The following DZIP1L variants were observed in gnomAD, a reference collection of about 807,000 sequenced individuals.
DZIP1L encodes cilium assembly protein DZIP1L.
DZIP1L carries 90 observed loss-of-function variants against 88.7 expected under a neutral mutation model. The ratio of observed to expected loss-of-function variants is 1.02; its 90% confidence interval spans 0.86 to 1.21. The LOEUF is 1.21. Ranked by LOEUF, DZIP1L falls within the 50% of genes most tolerant of loss-of-function variation. The pLI is 0.00. For missense variants in DZIP1L, 932 were observed against 955.8 expected (o/e 0.98, Z 0.33); for synonymous variants, 363 against 372.1 (o/e 0.98, Z 0.28).
At chr3:138,101,401 C>A in intron 2 of DZIP1L, 2 of 700,484 alleles carry the variant, frequency 2.9e-6, no homozygotes, top group Admixed American at 2.0e-5. Context: ...CCCTGTGCTA[C>A]CCTGCACAGC....
In DZIP1L at chr3:138,068,190, CCATGCAG is replaced by C. The variant is rs1257308688; in HGVS notation, c.1786_1792del (p.Leu596AspfsTer13). The C allele has an allele frequency of 3.2e-6, 5 of 1,573,608 alleles. No individual in the cohort carries two copies. Among genetic ancestry groups the C allele is most frequent in the Non-Finnish European group, 4.3e-6 (5 of 1,158,046 alleles). On this transcript the variant is annotated frameshift_variant, in exon 13 of 16. Coordinates refer to ENST00000327532, the MANE Select transcript of DZIP1L (RefSeq NM_173543.3). LOFTEE classifies it high-confidence loss of function. The stretch of plus-strand genomic sequence containing the variant: ...CGAGGAAGGAGGGGTGCTGGAGGGT[CCATGCAG>C]TCCGGGGCGTGGAGCGGGGGCGGAC...
At chr3:138,079,801 C>T (rs752674396) in intron 10 of DZIP1L, among the ~76,000 whole-genome samples, 66 of 152,232 alleles carry the variant, frequency 4.3e-4, no homozygotes, top group Admixed American at 1.2e-3. Flanking sequence ...ATGATGAGCT[C>T]TTTGATGGCA....
chr3:138,093,295 C>CT (rs112666044), intron 4 of DZIP1L, among the ~76,000 whole-genome samples: 5 of 152,138 alleles, frequency 3.3e-5, no homozygotes, highest in East Asian at 1.9e-4. Context: ...TGAAAAGAAT[C>CT]TTTTTTTTAG....
intron 14 of DZIP1L, 123 bp downstream of exon 14, chr3:138,067,406 GAA>G (rs1247028837): frequency 8.8e-7 from 1 of 1,141,356 alleles, no homozygotes; most frequent in Non-Finnish European, 1.2e-6. Flanking sequence ...GCCAAATAGA[GAA>G]AGAGATGTCA....
chr3:138,089,632 T>C (rs1944110132), intron 5 of DZIP1L, among the ~76,000 whole-genome samples: 1 of 152,218 alleles, frequency 6.6e-6, no homozygotes, highest in South Asian at 2.1e-4. Flanking sequence ...TACAGTGTTT[T>C]TTTTACAATC....
At chr3:138,098,220 A>G (rs1399770454) in intron 2 of DZIP1L, among the ~76,000 whole-genome samples, 2 of 152,266 alleles carry the variant, frequency 1.3e-5, no homozygotes, top group African/African-American at 2.4e-5. Flanking sequence ...ATGCTTCAAA[A>G]TAATCCAGAA....
chr3:138,072,110 C>T (rs1943209093), intron 11 of DZIP1L, among the ~76,000 whole-genome samples: 1 of 152,196 alleles, frequency 6.6e-6, no homozygotes, highest in Non-Finnish European at 1.5e-5. Flanking sequence ...CACATCATAG[C>T]ATAAGGGACT....
intron 1 of DZIP1L, among the ~76,000 whole-genome samples, chr3:138,114,134 C>T (rs1007050850): frequency 1.3e-5 from 2 of 152,216 alleles, no homozygotes; most frequent in African/African-American, 2.4e-5. Context: ...ACTACTAGAG[C>T]TGCCAGGCCT....
rs2042346712 is a variant in DZIP1L, at chr3:138,102,370, T to C, written c.501+1101A>G. ...TTCTCCATCTTTGTATGCTTATTGA[T>C]CTCATCCTCATACTTGTTCTCGAAG... On this transcript the variant is annotated intron_variant, in intron 2 of 15. Coordinates refer to ENST00000327532, the MANE Select transcript of DZIP1L (RefSeq NM_173543.3). The C allele has an allele frequency of 2.5e-6, 3 of 1,190,776 alleles. No homozygotes were observed. The South Asian group carries it at 3.6e-5, about 14-fold the overall frequency. 73.8% of individuals were successfully genotyped at this position (1,190,776 alleles called of 1,614,324 possible).
chr3:138,094,785 G>A (rs1471185830), intron 4 of DZIP1L, 77 bp downstream of exon 4: 2 of 1,581,120 alleles, frequency 1.3e-6, no homozygotes, highest in East Asian at 4.5e-5. Context: ...TTTTTGCCCT[G>A]TGGGATTCAT....
intron 2 of DZIP1L, among the ~76,000 whole-genome samples, chr3:138,099,470 T>C (rs533407996): frequency 6.6e-6 from 1 of 152,322 alleles, no homozygotes; most frequent in East Asian, 1.9e-4. Flanking sequence ...CCTTTTGTAA[T>C]AATATTTGGT....
In DZIP1L at chr3:138,062,367, A is replaced by C; in HGVS notation, c.*449T>G. 6.2e-6 allele frequency: 1 copy of C among 160,132 alleles called. No homozygotes were observed. The highest frequency in any genetic ancestry group is 1.4e-5 in the Non-Finnish European group (1 of 71,940). The allele number at this position is 160,132 out of a possible 1,614,324, so 9.9% of individuals were successfully genotyped here. On this transcript the variant is annotated 3_prime_UTR_variant, in exon 16 of 16. Transcript: ENST00000327532. ...AGTGAGAGGCTAGAGAGCCTGGCGC[A>C]GAGTAGGTAGGCACTCAGTAAATAA...
At chr3:138,081,449 G>T (rs1222266910) in intron 9 of DZIP1L, among the ~76,000 whole-genome samples, 1 of 152,128 alleles carries the variant, frequency 6.6e-6, no homozygotes, top group East Asian at 1.9e-4. Flanking sequence ...AATTAGAAAA[G>T]CCTTCTCATG....
intron 5 of DZIP1L, 145 bp downstream of exon 5, chr3:138,092,238 C>G: frequency 1.1e-6 from 1 of 870,324 alleles, no homozygotes; most frequent in Non-Finnish European, 1.6e-6. Flanking sequence ...GAAATCTGGG[C>G]CTCTAATATC....
At position 138,103,792 on chromosome 3, in the gene DZIP1L, A is replaced by G; in HGVS notation, c.180T>C (p.Ala60=). 1 of 1,614,166 alleles carries G rather than the reference A, an allele frequency of 6.2e-7. No individual in the cohort carries two copies. Among genetic ancestry groups the G allele is most frequent in the Non-Finnish European group, 8.5e-7 (1 of 1,180,052 alleles). The part of the protein sequence containing the change: ...LDVATLQENI[A]GITFCNLDRE... ...GGTCCAAGTTGCAGAAGGTGATGCC[A>G]GCAATATTCTCCTGCAGAGTGGCCA... is the stretch of plus-strand genomic sequence containing the variant. Residue 60 remains alanine, a synonymous_variant, in exon 2 of 16, where the codon GCT becomes GCC. Coordinates refer to ENST00000327532, the MANE Select transcript of DZIP1L (RefSeq NM_173543.3).
chr3:138,085,766 C>T (rs1310469645), intron 7 of DZIP1L, among the ~76,000 whole-genome samples: 3 of 152,162 alleles, frequency 2.0e-5, no homozygotes, highest in Non-Finnish European at 2.9e-5. Flanking sequence ...GGTATATACC[C>T]AAAGGACTAT....
intron 1 of DZIP1L, among the ~76,000 whole-genome samples, chr3:138,109,962 C>A (rs2042591042): frequency 6.6e-6 from 1 of 151,726 alleles, no homozygotes; most frequent in African/African-American, 2.4e-5. Context: ...TTCCTGATAT[C>A]CCAGCTCTCA....
chr3:138,098,285 C>T (rs934062098), intron 2 of DZIP1L, among the ~76,000 whole-genome samples: 1 of 152,156 alleles, frequency 6.6e-6, no homozygotes, highest in Non-Finnish European at 1.5e-5. Context: ...TGGGTTGATA[C>T]TGTTAGTGTG....
At chr3:138,105,024 G>A (rs185020139) in intron 1 of DZIP1L, among the ~76,000 whole-genome samples, 6 of 152,152 alleles carry the variant, frequency 3.9e-5, no homozygotes, top group Non-Finnish European at 8.8e-5. Flanking sequence ...AAAGTACAAT[G>A]TATCTCTATG....
Sources: gnomAD v4.1 joint callset for allele counts (sites outside exome capture counted in the v4.1 genomes callset) on GRCh38, gnomAD v4.1.1 for gene constraint, MANE v1.5 for transcripts, NCBI Gene and HGNC (gene_info 2026-07-23, HGNC 2026-07-21) for gene names.